HS3ST3A1: variants seen among roughly 807,000 people sequenced by gnomAD.
HS3ST3A1 encodes the protein heparan sulfate-glucosamine 3-sulfotransferase 3A1, also known as heparan sulfate glucosamine 3-O-sulfotransferase 3A1.
In HS3ST3A1, 19 loss-of-function variants were observed where a neutral mutation model predicts 25.7. That is an observed-to-expected ratio of 0.74 (90% CI 0.52 to 1.08). HS3ST3A1 has a LOEUF of 1.08. HS3ST3A1 is among the 50% of genes least tolerant of loss of function. The pLI, the probability that HS3ST3A1 is intolerant of heterozygous loss-of-function variation, is 0.00. For synonymous variants in HS3ST3A1, 226 were observed against 278.6 expected (o/e 0.81, Z 1.88); for missense variants, 459 against 594.3 (o/e 0.77, Z 2.37).
At chr17:13,560,289 CAAAAAAAAAAAAAAAAA>C (rs10632927) in intron 1 of HS3ST3A1, among the ~76,000 whole-genome samples, 232 of 17,390 alleles carry the variant, frequency 0.013, 8 homozygotes, top group African/African-American at 0.038. Context: ...CACTCGTCTC[CAAAAAAAAAAAAAAAAA>C]AAAAAAAAAA....
Position 13,585,186 on chromosome 17 carries a change from C to CTT in HS3ST3A1, c.599+15343_599+15344dup, listed in dbSNP as rs71144977. Among the ~76,000 whole-genome samples, 264 of 33,236 alleles carry CTT rather than the reference C, an allele frequency of 7.9e-3. 57 individuals are homozygous for CTT. Among genetic ancestry groups the CTT allele is most frequent in the African/African-American group, 8.6e-3 (73 of 8,476 alleles). 21.8% of individuals were successfully genotyped at this position (33,236 alleles called of 152,430 possible). On this transcript the variant is annotated intron_variant, in intron 1 of 1. Coordinates refer to ENST00000284110, the MANE Select transcript of HS3ST3A1 (RefSeq NM_006042.3). ...CAATCTAAATACTCATTTTTCTGTG[C>CTT]TTTTTTTTTTTTTTTTTTTTTTTTT...
chr17:13,572,007 C>A (rs1380101560), intron 1 of HS3ST3A1, among the ~76,000 whole-genome samples: 1 of 152,158 alleles, frequency 6.6e-6, no homozygotes, highest in Non-Finnish European at 1.5e-5. Flanking sequence ...GATCCACCCA[C>A]CTCGGCCTCT....
At chr17:13,554,590 T>A (rs931199311) in intron 1 of HS3ST3A1, among the ~76,000 whole-genome samples, 2 of 152,192 alleles carry the variant, frequency 1.3e-5, no homozygotes, top group Non-Finnish European at 2.9e-5. Context: ...CGCAGCTGAT[T>A]ATTGCCTTTC....
At chr17:13,502,975 G>A (rs1905531497) in intron 1 of HS3ST3A1, among the ~76,000 whole-genome samples, 1 of 151,418 alleles carries the variant, frequency 6.6e-6, no homozygotes, top group South Asian at 2.1e-4. Flanking sequence ...GGTCAAGAGA[G>A]CGAGACCATC....
intron 1 of HS3ST3A1, among the ~76,000 whole-genome samples, chr17:13,532,591 A>G (rs1025738297): frequency 1.3e-5 from 2 of 151,036 alleles, no homozygotes; most frequent in Admixed American, 6.6e-5. Flanking sequence ...AGGGGAATAA[A>G]GTGGAGATCA....
chr17:13,588,798 C>T (rs1185104007), intron 1 of HS3ST3A1, among the ~76,000 whole-genome samples: 1 of 152,114 alleles, frequency 6.6e-6, no homozygotes. Context: ...ATTCTCCTGC[C>T]TCAGCCTCCC....
In HS3ST3A1 at chr17:13,600,604, G is replaced by C. The variant is rs1908696230; in HGVS notation, c.526C>G (p.Pro176Ala). The part of the protein sequence containing the change: ...RALLEFLRVH[P>A]DVRAVGAEPH... ...TCGGCGCCCACGGCGCGCACGTCGG[G>C]GTGCACGCGCAGGAACTCCAGCAGC... The change falls in exon 1 of 2, where the codon CCC (proline) becomes GCC (alanine). Residue 176 changes from proline (P) to alanine (A), a missense_variant. This residue lies in a region of HS3ST3A1 where 346 missense variants were observed against 303.9 expected (regional missense o/e 1.14). Coordinates refer to ENST00000284110, the MANE Select transcript of HS3ST3A1 (RefSeq NM_006042.3). 1.2e-6 allele frequency: 2 copies of C among 1,600,248 alleles called. No homozygotes were observed. The highest frequency in any genetic ancestry group is 1.1e-5 in the South Asian group (1 of 90,318).
chr17:13,592,584 G>C (rs923246860), intron 1 of HS3ST3A1, among the ~76,000 whole-genome samples: 14 of 152,218 alleles, frequency 9.2e-5, no homozygotes. Flanking sequence ...TCTATCCCTT[G>C]CACGAAAGCA....
At chr17:13,595,282 C>T (rs1908544472) in intron 1 of HS3ST3A1, among the ~76,000 whole-genome samples, 1 of 152,208 alleles carries the variant, frequency 6.6e-6, no homozygotes, top group Admixed American at 6.5e-5. Flanking sequence ...ACTAACTCAG[C>T]ATTGCCTGGA....
intron 1 of HS3ST3A1, among the ~76,000 whole-genome samples, chr17:13,502,782 A>C (rs1223377616): frequency 6.6e-6 from 1 of 152,222 alleles, no homozygotes; most frequent in Non-Finnish European, 1.5e-5. Flanking sequence ...TACAAATATA[A>C]GTGGTGAAAC....
intron 1 of HS3ST3A1, among the ~76,000 whole-genome samples, chr17:13,538,884 C>T (rs1415827359): frequency 6.6e-6 from 1 of 152,136 alleles, no homozygotes; most frequent in Non-Finnish European, 1.5e-5. Context: ...TTTAACAAAG[C>T]ATCCTTAAAC....
At chr17:13,551,633 G>C (rs1598424080) in intron 1 of HS3ST3A1, among the ~76,000 whole-genome samples, 1 of 144,822 alleles carries the variant, frequency 6.9e-6, no homozygotes, top group African/African-American at 2.5e-5. Context: ...AAAGGGGGGG[G>C]GGTATTTTTA....
chr17:13,559,393 C>A (rs1352272171), intron 1 of HS3ST3A1, among the ~76,000 whole-genome samples: 1 of 151,680 alleles, frequency 6.6e-6, no homozygotes, highest in Non-Finnish European at 1.5e-5. Context: ...TCTTCTTACA[C>A]CTAAAAGTAA....
intron 1 of HS3ST3A1, among the ~76,000 whole-genome samples, chr17:13,539,286 GGA>G (rs1417551138): frequency 1.3e-5 from 2 of 152,192 alleles, no homozygotes; most frequent in Non-Finnish European, 2.9e-5. Context: ...AAATCCAAGT[GGA>G]GTGAACATAA....
rs370903564 is a variant in HS3ST3A1, at chr17:13,586,344, G to C, written c.599+14187C>G. 2.0e-5 allele frequency among the ~76,000 whole-genome samples: 3 copies of C among 150,782 alleles called. No homozygotes were observed. In the South Asian group the frequency reaches 6.3e-4, roughly 32 times the overall value. On this transcript the variant is annotated intron_variant, in intron 1 of 1. Coordinates refer to ENST00000284110, the MANE Select transcript of HS3ST3A1 (RefSeq NM_006042.3). ...TCATCGGTCCTCTAGATTCCTCAAC[G>C]GCCACCTATCCCAGTGTGCATCCGT...
chr17:13,540,976 G>C (rs1419464665), intron 1 of HS3ST3A1, among the ~76,000 whole-genome samples: 1 of 152,144 alleles, frequency 6.6e-6, no homozygotes, highest in Non-Finnish European at 1.5e-5. Context: ...GAACACATGT[G>C]GATTTGTAAA....
chr17:13,552,199 C>T (rs1343295497), intron 1 of HS3ST3A1, among the ~76,000 whole-genome samples: 1 of 152,198 alleles, frequency 6.6e-6, no homozygotes, highest in Non-Finnish European at 1.5e-5. Context: ...CCTGCCTCAG[C>T]CTCCTGAGTA....
At chr17:13,577,320 C>T (rs928849893) in intron 1 of HS3ST3A1, among the ~76,000 whole-genome samples, 2 of 152,128 alleles carry the variant, frequency 1.3e-5, no homozygotes, top group African/African-American at 4.8e-5. Context: ...TCTGCCTGGC[C>T]AGGACTGGAG....
At chr17:13,547,226 T>G (rs1041145988) in intron 1 of HS3ST3A1, among the ~76,000 whole-genome samples, 1 of 152,158 alleles carries the variant, frequency 6.6e-6, no homozygotes, top group South Asian at 2.1e-4. Context: ...TAAAAAAAAT[T>G]TGGTCTTTGT....
Sources: allele counts gnomAD v4.1 joint callset (sites outside exome capture counted in the v4.1 genomes callset), GRCh38; gene constraint gnomAD v4.1.1; regional missense constraint gnomAD v4.1.1; transcripts MANE v1.5; gene names NCBI Gene and HGNC (gene_info 2026-07-23, HGNC 2026-07-21).